Variants in INTS12 observed in about 807,000 individuals in gnomAD.
INTS12 encodes integrator complex subunit 12.
In INTS12, 13 loss-of-function variants were observed where a neutral mutation model predicts 41.6. The ratio of observed to expected loss-of-function variants is 0.31; its 90% CI spans 0.20 to 0.50. INTS12 has a LOEUF of 0.50. Among genes scored for constraint, INTS12 ranks in the 20% least tolerant of loss-of-function variants. The pLI is 0.98. For missense variants in INTS12, 432 were observed against 541.6 expected, an observed-to-expected ratio of 0.80 and a Z score of 2.01; for synonymous variants, 199 against 191.4, an observed-to-expected ratio of 1.04 and a Z score of -0.33.
chr4:105,692,210 G>T, intron 5 of INTS12, 75 bp from the exon 6 acceptor site: 1 of 1,397,276 alleles, frequency 7.2e-7, no homozygotes, highest in Non-Finnish European at 9.8e-7. Flanking sequence ...GGGGCCAGGT[G>T]TGCTGGCTCA....
intron 3 of INTS12, among the ~76,000 whole-genome samples, chr4:105,696,444 T>A (rs1371309507): frequency 6.6e-6 from 1 of 152,220 alleles, no homozygotes; most frequent in Non-Finnish European, 1.5e-5. Context: ...TCCTAGAAAT[T>A]TATATAAATG....
In INTS12 at chr4:105,686,714, G is replaced by A. The variant is rs202054559; in HGVS notation, c.782C>T (p.Ala261Val). Residue 261 changes from alanine to valine, a missense_variant, in exon 7 of 8, where the codon GCG becomes GTG. This residue lies in a region of INTS12 where 258 missense variants were observed against 309.9 expected (regional missense o/e 0.83). Transcript: ENST00000340139. Reference sequence around the variant, plus strand: ...TACCTTGACTTCTGTTCTCTTAAACGCTAGAAAAGTTGTCTCTTGTTTCAG... The same window carrying A: ...TACCTTGACTTCTGTTCTCTTAAACACTAGAAAAGTTGTCTCTTGTTTCAG... ...TKLKQETTFL[A>V]FKRTEVKTST... 1.2e-4 allele frequency: 201 copies of A among 1,612,074 alleles called. 2 individuals are homozygous for A. The highest frequency in any genetic ancestry group is 2.2e-4 in the Admixed American group (13 of 59,904).
At chr4:105,693,168 C>T in intron 5 of INTS12, 131 bp downstream of exon 5, 1 of 603,914 alleles carries the variant, frequency 1.7e-6, no homozygotes. Flanking sequence ...CTTATCTCCA[C>T]CCCAGTTCCA....
intron 3 of INTS12, among the ~76,000 whole-genome samples, chr4:105,698,893 T>C (rs1312485650): frequency 6.6e-6 from 1 of 152,198 alleles, no homozygotes. Context: ...TCCTTCTCAG[T>C]TTGGGATCTA....
Position 105,682,958 on chromosome 4 carries a change from AG to A in INTS12, c.1163del (p.Pro388LeufsTer6). On this transcript the variant is annotated frameshift_variant, in exon 8 of 8. Coordinates refer to ENST00000340139, the MANE Select transcript of INTS12 (RefSeq NM_020395.4). LOFTEE classifies it high-confidence loss of function. ...TTCCTGGAACTAAACTACTTGGACT[AG>A]GAAGACCTACTTTGCTGACATTGTC... ...SCDNVSKVGL[P>X]SPSSLVPGSS... 1 of 1,614,156 alleles carries A rather than the reference AG, an allele frequency of 6.2e-7. No homozygotes were observed. The highest frequency in any genetic ancestry group is 8.5e-7 in the Non-Finnish European group (1 of 1,179,978).
chr4:105,688,313 A>C (rs926983867), intron 6 of INTS12, among the ~76,000 whole-genome samples: 1 of 152,202 alleles, frequency 6.6e-6, no homozygotes, highest in East Asian at 1.9e-4. Context: ...GGAATTTATT[A>C]ACAATTTGTC....
At chr4:105,692,343 G>T (rs1731719930) in intron 5 of INTS12, among the ~76,000 whole-genome samples, 1 of 151,840 alleles carries the variant, frequency 6.6e-6, no homozygotes, top group African/African-American at 2.4e-5. Context: ...AATCAGCTGG[G>T]CATGGTGGTA....
At chr4:105,698,453 G>A (rs371555245) in intron 3 of INTS12, among the ~76,000 whole-genome samples, 2 of 152,138 alleles carry the variant, frequency 1.3e-5, no homozygotes, top group African/African-American at 4.8e-5. Context: ...CAAGAGAAAT[G>A]AACTCTAGCT....
chr4:105,683,317 T>G lies in INTS12; in HGVS notation c.805A>C (p.Thr269Pro). ...FLAFKRTEVK[T>P]STVISGNSSS... ...GAATTTCCTGAAATAACTGTGGATG[T>G]CTAAAAAAATAAAGTAAATAATTAC... The change falls in exon 8 of 8, where the codon ACA becomes CCA. Residue 269 changes from threonine (T) to proline (P), a missense_variant and splice_region_variant. Transcript: ENST00000340139. 6.3e-7 allele frequency: 1 copy of G among 1,595,540 alleles called. No homozygotes were observed. The highest frequency in any genetic ancestry group is 8.5e-7 in the Non-Finnish European group (1 of 1,170,474).
chr4:105,703,459 A>G (rs1732155219), intron 2 of INTS12, among the ~76,000 whole-genome samples, 189 bp downstream of exon 2: 1 of 152,064 alleles, frequency 6.6e-6, no homozygotes, highest in Admixed American at 6.5e-5. Flanking sequence ...ATTATCCTTG[A>G]TTTATTGCAG....
At chr4:105,700,248 T>C (rs1488720611) in intron 2 of INTS12, 1 of 262,754 alleles carries the variant, frequency 3.8e-6, no homozygotes, top group Non-Finnish European at 7.1e-6. Context: ...TGTATCCATA[T>C]CGATGGTAAC....
At chr4:105,684,123 T>C (rs566114188) in intron 7 of INTS12, among the ~76,000 whole-genome samples, 1 of 152,254 alleles carries the variant, frequency 6.6e-6, no homozygotes, top group South Asian at 2.1e-4. Context: ...TTCATAAGGG[T>C]ATAACACTTC....
chr4:105,683,200 C>T lies in INTS12; in HGVS notation c.922G>A (p.Ala308Thr). 6.2e-7 allele frequency: 1 copy of T among 1,614,072 alleles called. No homozygotes were observed. The highest frequency in any genetic ancestry group is 1.1e-5 in the South Asian group (1 of 91,088). ...AKTSSAGPST[A>T]KLSSTTQNNT... ...TTTTGTGTTGTTGAACTCAATTTTGCTGTTGAAGGACCAGCAGAGGAAGTT... is the reference window on the plus strand; with the variant it reads ...TTTTGTGTTGTTGAACTCAATTTTGTTGTTGAAGGACCAGCAGAGGAAGTT... The change falls in exon 8 of 8, where the codon GCA becomes ACA. Residue 308 changes from alanine to threonine, a missense_variant. Coordinates refer to ENST00000340139, the MANE Select transcript of INTS12 (RefSeq NM_020395.4).
At chr4:105,704,290 A>C (rs1732187628) in intron 1 of INTS12, among the ~76,000 whole-genome samples, 1 of 152,192 alleles carries the variant, frequency 6.6e-6, no homozygotes, top group Non-Finnish European at 1.5e-5. Flanking sequence ...TCATCTTTGT[A>C]GGTTCCTCCT....
At chr4:105,683,801 T>C (rs973361030) in intron 7 of INTS12, among the ~76,000 whole-genome samples, 1 of 152,094 alleles carries the variant, frequency 6.6e-6, no homozygotes. Flanking sequence ...AGTCAATATT[T>C]ATTTACTGAG....
intron 7 of INTS12, among the ~76,000 whole-genome samples, chr4:105,686,402 G>A (rs1731497872): frequency 6.6e-6 from 1 of 152,212 alleles, no homozygotes; most frequent in African/African-American, 2.4e-5. Flanking sequence ...ATTTAAACCA[G>A]ATTTCTGATT....
intron 4 of INTS12, among the ~76,000 whole-genome samples, chr4:105,694,437 C>T (rs1318867726): frequency 6.6e-6 from 1 of 152,084 alleles, no homozygotes; most frequent in African/African-American, 2.4e-5. Context: ...GTGATTCTCA[C>T]GTCTCAGCCT....
At chr4:105,707,952 T>C (rs537031052) in intron 1 of INTS12, 5 of 985,386 alleles carry the variant, frequency 5.1e-6, no homozygotes, top group Admixed American at 1.2e-4. Flanking sequence ...AAGTTGATCA[T>C]ATGCACGTGC....
intron 7 of INTS12, 82 bp from the exon 8 acceptor site, chr4:105,683,399 A>G (rs1731394166): frequency 1.9e-6 from 2 of 1,036,804 alleles, no homozygotes; most frequent in Non-Finnish European, 2.7e-6. Context: ...GAATTGGGAA[A>G]TTTAAATCAC....
Sources: allele counts gnomAD v4.1 joint callset (sites outside exome capture counted in the v4.1 genomes callset), GRCh38; gene constraint gnomAD v4.1.1; regional missense constraint gnomAD v4.1.1; transcripts MANE v1.5; gene names NCBI Gene and HGNC (gene_info 2026-07-23, HGNC 2026-07-21).